The following TOR1AIP1 variants were observed in gnomAD, a reference collection of about 807,000 sequenced individuals.
TOR1AIP1 encodes the protein torsin 1A interacting protein 1, also known as torsin-1A-interacting protein 1.
TOR1AIP1 carries 54 observed loss-of-function variants against 63.3 expected under a neutral mutation model. That is an observed-to-expected ratio of 0.85 (90% CI 0.69 to 1.07). The LOEUF is 1.07. Among genes scored for constraint, TOR1AIP1 ranks in the 50% least tolerant of loss-of-function variants. TOR1AIP1 has a pLI of 0.00. For synonymous variants in TOR1AIP1, 294 were observed against 273.5 expected, an observed-to-expected ratio of 1.07 and a Z score of -0.74; for missense variants, 736 against 715.0, an observed-to-expected ratio of 1.03 and a Z score of -0.33.
chr1:179,896,545 CTT>C (rs879540960), intron 3 of TOR1AIP1, among the ~76,000 whole-genome samples: 2 of 144,054 alleles, frequency 1.4e-5, no homozygotes. Context: ...GTTTACAAAT[CTT>C]TTTTTTTTTT....
At chr1:179,913,858 TCTA>T (rs1441135248) in intron 8 of TOR1AIP1, 137 bp from the exon 9 acceptor site, 2 of 744,888 alleles carry the variant, frequency 2.7e-6, no homozygotes, top group Non-Finnish European at 4.4e-6. Context: ...ACTCAGATAT[TCTA>T]CTTTTTCTTC....
At chr1:179,886,386 C>T (rs1470350974) in intron 2 of TOR1AIP1, among the ~76,000 whole-genome samples, 1 of 152,182 alleles carries the variant, frequency 6.6e-6, no homozygotes, top group African/African-American at 2.4e-5. Flanking sequence ...TAATGAGGTA[C>T]ACCATGGCTG....
At chr1:179,899,094 A>G (rs752532044) in intron 3 of TOR1AIP1, among the ~76,000 whole-genome samples, 2 of 152,176 alleles carry the variant, frequency 1.3e-5, no homozygotes, top group African/African-American at 2.4e-5. Context: ...CTATAATACT[A>G]TTGTCCCTTT....
Position 179,882,314 on chromosome 1 carries a change from C to G in TOR1AIP1, c.-189C>G, listed in dbSNP as rs1231511105. 1.9e-6 allele frequency: 1 copy of G among 513,710 alleles called. No homozygotes were observed. Among genetic ancestry groups the G allele is most frequent in the Non-Finnish European group, 3.3e-6 (1 of 307,568 alleles). 31.8% of individuals were successfully genotyped at this position (513,710 alleles called of 1,614,324 possible). On this transcript the variant is annotated 5_prime_UTR_variant, in exon 1 of 10. Transcript: ENST00000606911. ...CCTCTCTCACAGCCCTCAAGACACA[C>G]CATGGGCCCAGAGGCAGGTTTGCTA...
At chr1:179,903,536 C>T (rs1648529496) in intron 5 of TOR1AIP1, among the ~76,000 whole-genome samples, 1 of 148,602 alleles carries the variant, frequency 6.7e-6, no homozygotes, top group Non-Finnish European at 1.5e-5. Flanking sequence ...GAGACAGAGT[C>T]TCACTCTCTT....
chr1:179,919,762 G>A lies in TOR1AIP1; in HGVS notation c.*1523G>A, dbSNP rs1649139531. The A allele has an allele frequency of 6.6e-6, 1 of 152,124 alleles. No homozygotes were observed. Among genetic ancestry groups the A allele is most frequent in the Non-Finnish European group, 1.5e-5 (1 of 68,020 alleles). The allele number at this position is 152,124 out of a possible 1,614,324, so 9.4% of individuals were successfully genotyped here. A position where few individuals can be genotyped will look rare whatever the true frequency, so the allele number is the denominator to read the frequency against. The stretch of plus-strand genomic sequence containing the variant: ...GAGTTCCACAAGTGGTAGTAGAGTG[G>A]TTTAACGTCTTTCCTCTAGTACTAC... On this transcript the variant is annotated 3_prime_UTR_variant, in exon 10 of 10. Transcript: ENST00000606911.
In TOR1AIP1 at chr1:179,882,835, G is replaced by A; in HGVS notation, c.333G>A (p.Arg111=). ...CGTACTACCTTCGGTCTAGGCAGCG[G>A]AGGCAGCCGCGACCCCAGGAAACCG... The part of the protein sequence containing the change: ...ESAYYLRSRQ[R]RQPRPQETEE... The change falls in exon 1 of 10, where the codon CGG becomes CGA. Residue 111 remains arginine (R), a synonymous_variant. Transcript: ENST00000606911. 1.9e-6 allele frequency: 3 copies of A among 1,614,192 alleles called. No homozygotes were observed. The highest frequency in any genetic ancestry group is 2.5e-6 in the Non-Finnish European group (3 of 1,180,028).
chr1:179,893,175 G>A (rs1264279256), intron 3 of TOR1AIP1, among the ~76,000 whole-genome samples: 1 of 151,938 alleles, frequency 6.6e-6, no homozygotes, highest in Non-Finnish European at 1.5e-5. Flanking sequence ...CCGGGGAGGT[G>A]GAGGTTGCAG....
chr1:179,890,965 G>A (rs1020753360), intron 3 of TOR1AIP1, among the ~76,000 whole-genome samples: 7 of 152,132 alleles, frequency 4.6e-5, no homozygotes, highest in African/African-American at 1.7e-4. Context: ...CAGATTAATA[G>A]AATACAAGAG....
Position 179,918,011 on chromosome 1 carries a change from A to G in TOR1AIP1, c.1524A>G (p.Leu508=). The stretch of plus-strand genomic sequence containing the variant: ...ACGCGGCCTTCAAAGATGTAGCCTT[A>G]GTCCTGACTGTCTTATTGGAGGAAG... ...HENAAFKDVA[L]VLTVLLEEET... is the part of the protein sequence containing the mutation. Residue 508 remains leucine, a synonymous_variant, in exon 10 of 10, where the codon TTA becomes TTG. Transcript: ENST00000606911. The G allele has an allele frequency of 3.1e-6, 5 of 1,614,246 alleles. No individual in the cohort carries two copies. Among genetic ancestry groups the G allele is most frequent in the Non-Finnish European group, 4.2e-6 (5 of 1,180,042 alleles).
chr1:179,898,453 A>C (rs183163684), intron 3 of TOR1AIP1, among the ~76,000 whole-genome samples: 2 of 152,340 alleles, frequency 1.3e-5, no homozygotes, highest in Non-Finnish European at 2.9e-5. Flanking sequence ...TAGTTACATA[A>C]ATGAATAAAG....
chr1:179,919,332 A>G lies in TOR1AIP1; in HGVS notation c.*1093A>G, dbSNP rs1247915891. ...ACACACCCTGAAGCTTTTGTTTTGA[A>G]TTAAGAAATGAGTTTCAGGAATTGA... On this transcript the variant is annotated 3_prime_UTR_variant, in exon 10 of 10. Coordinates refer to ENST00000606911, the MANE Select transcript of TOR1AIP1 (RefSeq NM_015602.4). 1 of 152,144 alleles carries G rather than the reference A, an allele frequency of 6.6e-6. No individual in the cohort carries two copies. Among genetic ancestry groups the G allele is most frequent in the Non-Finnish European group, 1.5e-5 (1 of 68,032 alleles). 9.4% of individuals were successfully genotyped at this position (152,144 alleles called of 1,614,324 possible).
intron 3 of TOR1AIP1, among the ~76,000 whole-genome samples, chr1:179,891,314 C>G (rs1648070962): frequency 6.6e-6 from 1 of 152,096 alleles, no homozygotes; most frequent in Non-Finnish European, 1.5e-5. Flanking sequence ...GTCTGCCTCC[C>G]AGGTTCAAGC....
At chr1:179,889,801 C>T (rs1240252680) in intron 3 of TOR1AIP1, among the ~76,000 whole-genome samples, 2 of 152,038 alleles carry the variant, frequency 1.3e-5, no homozygotes, top group Non-Finnish European at 2.9e-5. Context: ...ACTATGCATC[C>T]ACCACCACGC....
intron 7 of TOR1AIP1, among the ~76,000 whole-genome samples, chr1:179,908,230 G>C (rs548830138): frequency 1.4e-3 from 219 of 151,950 alleles, no homozygotes; most frequent in African/African-American, 5.1e-3. Flanking sequence ...TTCTAACCTT[G>C]CCTTATTCTC....
In TOR1AIP1 at chr1:179,917,755, G is replaced by A; in HGVS notation, c.1268G>A (p.Arg423Lys). ...TAARDAEEAL[R>K]CLSEQIADAY... is the part of the protein sequence containing the mutation. ...GCCCGAGATGCTGAAGAAGCACTTAGGTGTCTGAGTGAACAAATTGCTGAT... is the reference window on the plus strand; with the variant it reads ...GCCCGAGATGCTGAAGAAGCACTTAAGTGTCTGAGTGAACAAATTGCTGAT... Residue 423 changes from arginine to lysine, a missense_variant, in exon 10 of 10, where the codon AGG (arginine) becomes AAG (lysine). Transcript: ENST00000606911. 1 of 1,614,180 alleles carries A rather than the reference G, an allele frequency of 6.2e-7. No individual in the cohort carries two copies. The highest frequency in any genetic ancestry group is 8.5e-7 in the Non-Finnish European group (1 of 1,180,044).
chr1:179,893,169 G>A (rs963674069), intron 3 of TOR1AIP1, among the ~76,000 whole-genome samples: 3 of 152,084 alleles, frequency 2.0e-5, no homozygotes, highest in Non-Finnish European at 4.4e-5. Context: ...CCTGAACCGG[G>A]GAGGTGGAGG....
chr1:179,900,213 T>C (rs778444673), intron 4 of TOR1AIP1, 46 bp downstream of exon 4: 2 of 1,343,538 alleles, frequency 1.5e-6, no homozygotes, highest in Non-Finnish European at 2.1e-6. Flanking sequence ...TAAGTCTTTT[T>C]CTTTACATTA....
chr1:179,914,580 G>A (rs555714049), intron 9 of TOR1AIP1, among the ~76,000 whole-genome samples: 26 of 152,294 alleles, frequency 1.7e-4, no homozygotes, highest in African/African-American at 4.8e-4. Context: ...CGGATCATGA[G>A]ATCAAGAGAT....
Sources: gnomAD v4.1 joint callset for allele counts (sites outside exome capture counted in the v4.1 genomes callset) on GRCh38, gnomAD v4.1.1 for gene constraint, MANE v1.5 for transcripts, NCBI Gene and HGNC (gene_info 2026-07-23, HGNC 2026-07-21) for gene names.